SLC22A23: variants seen among roughly 807,000 people sequenced by gnomAD.
The protein encoded by SLC22A23 is solute carrier family 22 member 23.
SLC22A23 carries 26 observed loss-of-function variants against 61.0 expected under a neutral mutation model. That is an observed-to-expected ratio of 0.43 (90% confidence interval 0.31 to 0.59). The LOEUF (loss-of-function observed/expected upper bound fraction) is 0.59. Among genes scored for constraint, SLC22A23 ranks in the 20% least tolerant of loss-of-function variants. SLC22A23 has a pLI of 0.11. For missense variants in SLC22A23, 796 were observed against 934.7 expected, an observed-to-expected ratio of 0.85 and a Z score of 1.94; for synonymous variants, 430 against 413.9, an observed-to-expected ratio of 1.04 and a Z score of -0.47.
intron 9 of SLC22A23, chr6:3,276,659 C>T (rs1364480724): frequency 6.6e-6 from 1 of 152,322 alleles, no homozygotes; most frequent in African/African-American, 2.4e-5. Flanking sequence ...TATGCTGGCT[C>T]AGCCGAGCTC....
Position 3,456,579 on chromosome 6 carries a change from C to T in SLC22A23, c.-20G>A. 1.0e-6 allele frequency: 1 copy of T among 982,484 alleles called. No individual in the cohort carries two copies. Among genetic ancestry groups the T allele is most frequent in the Middle Eastern group, 5.2e-4 (1 of 1,914 alleles). 60.9% of individuals were successfully genotyped at this position (982,484 alleles called of 1,614,324 possible). On this transcript the variant is annotated 5_prime_UTR_variant, in exon 1 of 10. Coordinates refer to ENST00000406686, the MANE Select transcript of SLC22A23 (RefSeq NM_015482.2). The surrounding 1 kb of genome is among the most constrained non-coding windows in gnomAD (Gnocchi z 7.1). ...GGCCATGGCCCGGGCCCGCGGCTCC[C>T]GCAGAGGCGCATAGAGCGCGGCGGA...
At chr6:3,340,858 G>A (rs1421553581) in intron 3 of SLC22A23, among the ~76,000 whole-genome samples, 1 of 152,172 alleles carries the variant, frequency 6.6e-6, no homozygotes, top group South Asian at 2.1e-4. Context: ...AGGGCAATAT[G>A]AGTTTACAGG....
At chr6:3,341,792 G>C (rs1282196417) in intron 3 of SLC22A23, among the ~76,000 whole-genome samples, 1 of 151,624 alleles carries the variant, frequency 6.6e-6, no homozygotes, top group Non-Finnish European at 1.5e-5. Flanking sequence ...TGGGGGCGGG[G>C]GAGCGCAGGA....
chr6:3,355,596 T>C, intron 3 of SLC22A23, among the ~76,000 whole-genome samples: 1 of 152,200 alleles, frequency 6.6e-6, no homozygotes, highest in East Asian at 1.9e-4. Context: ...CTCATGAGTC[T>C]GGGCTAGGTC....
chr6:3,296,129 A>T (rs1332989072), intron 5 of SLC22A23, among the ~76,000 whole-genome samples: 3 of 152,230 alleles, frequency 2.0e-5, no homozygotes, highest in African/African-American at 7.2e-5. Flanking sequence ...AACAAATTGT[A>T]CTGTAAGCCT....
chr6:3,424,113 GC>G (rs1235460880), intron 1 of SLC22A23, among the ~76,000 whole-genome samples: 4 of 151,566 alleles, frequency 2.6e-5, no homozygotes, highest in Non-Finnish European at 5.9e-5. Context: ...CAAACTGGCT[GC>G]CATCAATTCC....
chr6:3,456,142 C>G lies in SLC22A23; in HGVS notation c.418G>C (p.Val140Leu). 1 of 1,551,154 alleles carries G rather than the reference C, an allele frequency of 6.4e-7. No individual in the cohort carries two copies. The highest frequency in any genetic ancestry group is 1.2e-5 in the South Asian group (1 of 84,044). ...TCCCCGCCCCGGCCTGTGGTGGTGA[C>G]CCCTGCCAGCTCGGTGCCTTTGCCG... Reference protein sequence around the residue: ...GAGKGTELAGVTTTGRGGDMG... With the variant: ...GAGKGTELAGLTTTGRGGDMG... Residue 140 changes from valine (V) to leucine (L), a missense_variant, in exon 1 of 10, where the codon GTC (valine) becomes CTC (leucine). Val to Leu is a conservative substitution (Grantham distance 32). Transcript: ENST00000406686. This position sits in a 1 kb window ranked among gnomAD's most constrained non-coding sequence, Gnocchi z 7.1.
chr6:3,382,225 A>C (rs1460457265), intron 3 of SLC22A23, among the ~76,000 whole-genome samples: 1 of 152,228 alleles, frequency 6.6e-6, no homozygotes, highest in Non-Finnish European at 1.5e-5. Flanking sequence ...CTCAAGCCTC[A>C]GATGCTGGAG....
intron 6 of SLC22A23, among the ~76,000 whole-genome samples, chr6:3,288,806 C>G (rs186291378): frequency 6.6e-6 from 1 of 152,236 alleles, no homozygotes; most frequent in African/African-American, 2.4e-5. Context: ...CTGATGTGGC[C>G]GTGGCCGGTC....
At chr6:3,298,429 A>G (rs1290247458) in intron 4 of SLC22A23, among the ~76,000 whole-genome samples, 12 of 152,168 alleles carry the variant, frequency 7.9e-5, no homozygotes, top group Admixed American at 7.9e-4. Context: ...AAAAATGCTT[A>G]ACAAAAGTTA....
At chr6:3,442,122 C>T (rs908396979) in intron 1 of SLC22A23, among the ~76,000 whole-genome samples, 2 of 152,198 alleles carry the variant, frequency 1.3e-5, no homozygotes, top group East Asian at 1.9e-4. Flanking sequence ...CGCTCACACA[C>T]GCTACCACAT....
In SLC22A23 at chr6:3,270,502, C is replaced by G. The variant is rs1758410434; in HGVS notation, c.*2553G>C. 1 of 152,354 alleles carries G rather than the reference C, an allele frequency of 6.6e-6. No homozygotes were observed. Among genetic ancestry groups the G allele is most frequent in the Non-Finnish European group, 1.5e-5 (1 of 68,060 alleles). 9.4% of individuals were successfully genotyped at this position (152,354 alleles called of 1,614,324 possible). ...GGCTGAAGCTGCCACCAAACAGGCA[C>G]CCGGCCTCCTCCTCCTCAGGCTGCC... On this transcript the variant is annotated 3_prime_UTR_variant, in exon 10 of 10. Transcript: ENST00000406686.
intron 9 of SLC22A23, among the ~76,000 whole-genome samples, chr6:3,275,825 A>G (rs1033628756): frequency 1.3e-5 from 2 of 152,106 alleles, no homozygotes; most frequent in Non-Finnish European, 2.9e-5. Flanking sequence ...CTCGTGATCC[A>G]CCCGCCTTGG....
rs1763429640 is a variant in SLC22A23 at position 3,328,913 on chromosome 6, C to T, written c.914-4911G>A. ...CTGCACCCCCTCCCTCCCCTTCTTACTCCCCACTCTCTCATCCTGTCCCTG... is the reference window on the plus strand; with the variant it reads ...CTGCACCCCCTCCCTCCCCTTCTTATTCCCCACTCTCTCATCCTGTCCCTG... On this transcript the variant is annotated intron_variant, in intron 3 of 9. Coordinates refer to ENST00000406686, the MANE Select transcript of SLC22A23 (RefSeq NM_015482.2). This position sits in a 1 kb window ranked among gnomAD's most constrained non-coding sequence, Gnocchi z 5.0. 6.6e-6 allele frequency among the ~76,000 whole-genome samples: 1 copy of T among 151,942 alleles called. No individual in the cohort carries two copies. Among genetic ancestry groups the T allele is most frequent in the Non-Finnish European group, 1.5e-5 (1 of 68,010 alleles).
At chr6:3,349,903 G>A (rs905097953) in intron 3 of SLC22A23, among the ~76,000 whole-genome samples, 5 of 152,218 alleles carry the variant, frequency 3.3e-5, no homozygotes, top group Admixed American at 2.0e-4. Context: ...ACCTCTTCCA[G>A]GGCTCTTGAT....
At chr6:3,447,051 T>A (rs180855464) in intron 1 of SLC22A23, among the ~76,000 whole-genome samples, 465 of 152,316 alleles carry the variant, frequency 3.1e-3, no homozygotes, top group South Asian at 7.5e-3. Flanking sequence ...AAATACGAAC[T>A]CTGACTGCAT....
Position 3,286,720 on chromosome 6 carries a change from G to A in SLC22A23, c.1546+139C>T. On this transcript the variant is annotated intron_variant, in intron 7 of 9. Transcript: ENST00000406686. This position sits in a 1 kb window ranked among gnomAD's most constrained non-coding sequence, Gnocchi z 4.2. ...GGCTCCACAGATGCTCTCAACTGAA[G>A]CTCTGTTCTCCCCAAAGCAGCTCCT... is the stretch of plus-strand genomic sequence containing the variant. 1 of 781,746 alleles carries A rather than the reference G, an allele frequency of 1.3e-6. No homozygotes were observed. Among genetic ancestry groups the A allele is most frequent in the East Asian group, 2.7e-5 (1 of 37,312 alleles). 48.4% of individuals were successfully genotyped at this position (781,746 alleles called of 1,614,324 possible). A position where few individuals can be genotyped will look rare whatever the true frequency, so the allele number is the denominator to read the frequency against.
Position 3,410,214 on chromosome 6 carries a change from C to G in SLC22A23, c.887G>C (p.Gly296Ala). ...LRFFEGFCLA[G>A]IILTLYALRI... ...TAAAGCATACAAGGTGAGAATGATT[C>G]CAGCCAGGCAAAATCCTTCAAAGAA... Residue 296 changes from glycine (G) to alanine (A), a missense_variant, in exon 3 of 10, where the codon GGA becomes GCA. Transcript: ENST00000406686. This position sits in a 1 kb window ranked among gnomAD's most constrained non-coding sequence, Gnocchi z 5.0. 3 of 1,613,578 alleles carry G rather than the reference C, an allele frequency of 1.9e-6. No homozygotes were observed. Among genetic ancestry groups the G allele is most frequent in the Non-Finnish European group, 2.5e-6 (3 of 1,179,828 alleles).
chr6:3,388,800 G>A (rs1440647196), intron 3 of SLC22A23, among the ~76,000 whole-genome samples: 1 of 152,136 alleles, frequency 6.6e-6, no homozygotes, highest in Non-Finnish European at 1.5e-5. Context: ...GATGCTAACT[G>A]AAGTAGATCA....
Sources: allele counts gnomAD v4.1 joint callset (sites outside exome capture counted in the v4.1 genomes callset), GRCh38; gene constraint gnomAD v4.1.1; non-coding constraint Gnocchi (gnomAD v3.1); transcripts MANE v1.5; gene names NCBI Gene and HGNC (gene_info 2026-07-23, HGNC 2026-07-21).